The following FGF12 variants were observed in gnomAD, a reference collection of about 807,000 sequenced individuals.
FGF12 encodes the protein fibroblast growth factor 12.
Under a neutral mutation model 23.6 loss-of-function variants are expected in FGF12, and 14 were observed. The observed-to-expected ratio is 0.59, with a 90% CI of 0.39 to 0.93. FGF12 has a LOEUF of 0.93. Ranked by LOEUF, FGF12 falls within the 40% of genes least tolerant of loss-of-function variation. FGF12 has a pLI of 0.00. For synonymous variants in FGF12, 62 were observed against 77.3 expected (o/e 0.80, Z 1.04); for missense variants, 175 against 217.8 (o/e 0.80, Z 1.24).
At chr3:192,675,022 T>C (rs1487816056) in intron 2 of FGF12, among the ~76,000 whole-genome samples, 2 of 152,212 alleles carry the variant, frequency 1.3e-5, no homozygotes, top group Admixed American at 1.3e-4. Flanking sequence ...TTTAATCCTA[T>C]AAATAGACTG....
intron 4 of FGF12, among the ~76,000 whole-genome samples, chr3:192,240,290 T>C (rs1307736764): frequency 6.6e-6 from 1 of 152,170 alleles, no homozygotes; most frequent in Admixed American, 6.5e-5. Context: ...TGACAATAAT[T>C]GCCATTCAAG....
At chr3:192,509,022 A>G (rs141456607) in intron 2 of FGF12, among the ~76,000 whole-genome samples, 116 of 151,000 alleles carry the variant, frequency 7.7e-4, no homozygotes, top group East Asian at 5.0e-3. Context: ...CTGAGTCTCT[A>G]TTGCCTGAAA....
At chr3:192,309,820 T>C (rs1715843703) in intron 4 of FGF12, among the ~76,000 whole-genome samples, 1 of 152,204 alleles carries the variant, frequency 6.6e-6, no homozygotes, top group African/African-American at 2.4e-5. Flanking sequence ...TGCTGGCTTC[T>C]AGAGGGAACC....
chr3:192,266,882 A>C (rs1713111389), intron 4 of FGF12: 1 of 152,000 alleles, frequency 6.6e-6, no homozygotes, highest in African/African-American at 2.4e-5. Flanking sequence ...AGGAAAAGAA[A>C]CTCAGGGAAA....
intron 2 of FGF12, among the ~76,000 whole-genome samples, chr3:192,660,139 A>G (rs1321315656): frequency 6.6e-6 from 1 of 151,928 alleles, no homozygotes; most frequent in African/African-American, 2.4e-5. Flanking sequence ...GACTGGATTA[A>G]GAAAATGTGG....
At chr3:192,313,534 A>C (rs563445282) in intron 4 of FGF12, among the ~76,000 whole-genome samples, 10 of 152,358 alleles carry the variant, frequency 6.6e-5, no homozygotes, top group African/African-American at 2.4e-4. Context: ...GGTAATATCT[A>C]GCAATCTGCA....
Position 192,470,373 on chromosome 3 carries a change from T to TTTG in FGF12, c.14-109838_14-109836dup, listed in dbSNP as rs559328017. ...AAATATCTTGTTTTAGTAATGGAAC[T>TTTG]TTGTTGTTGTTGTTGTTGTTGTTGT... On this transcript the variant is annotated intron_variant, in intron 2 of 5. Transcript: ENST00000445105. Among the ~76,000 whole-genome samples the TTTG allele has an allele frequency of 9.0e-3, 1,360 of 151,940 alleles. 23 individuals carry two copies. Among genetic ancestry groups the TTTG allele is most frequent in the South Asian group, 0.076 (364 of 4,798 alleles).
chr3:192,454,934 G>GT (rs113784985), intron 2 of FGF12, among the ~76,000 whole-genome samples: 11,438 of 152,028 alleles, frequency 0.075, 1,374 homozygotes, highest in African/African-American at 0.25. Context: ...GGACATCTCA[G>GT]TTTTTACAAT....
At chr3:192,461,037 C>A (rs1037442824) in intron 2 of FGF12, among the ~76,000 whole-genome samples, 1 of 152,098 alleles carries the variant, frequency 6.6e-6, no homozygotes, top group African/African-American at 2.4e-5. Flanking sequence ...ATCTATAATC[C>A]ATGATCTGTT....
chr3:192,709,754 A>T (rs13059914), intron 2 of FGF12, among the ~76,000 whole-genome samples: 54,188 of 152,020 alleles, frequency 0.36, 10,679 homozygotes, highest in South Asian at 0.57. Flanking sequence ...CACATTTCCA[A>T]TCATGAGTTT....
chr3:192,707,744 CAAAAA>C (rs780175053), intron 2 of FGF12, among the ~76,000 whole-genome samples: 1 of 84,842 alleles, frequency 1.2e-5, no homozygotes, highest in Admixed American at 1.4e-4. Context: ...GACTCCTTCT[CAAAAA>C]AAAAAAAAAA....
rs1488634972 is a variant in FGF12 at position 192,512,917 on chromosome 3, T to C, written c.14-152379A>G. 2.1e-5 allele frequency among the ~76,000 whole-genome samples: 3 copies of C among 144,558 alleles called. No homozygotes were observed. The East Asian group carries it at 6.0e-4, about 29-fold the overall frequency. The allele number at this position is 144,558 out of a possible 152,430, so 94.8% of individuals were successfully genotyped here. On this transcript the variant is annotated intron_variant, in intron 2 of 5. Transcript: ENST00000445105. ...AGATAAAAATAATGAGTTTCAAAGA[T>C]GGGTAGTGACTTATTGAGAATGTGT...
chr3:192,419,117 T>C (rs1019399620), intron 2 of FGF12, among the ~76,000 whole-genome samples: 18 of 152,196 alleles, frequency 1.2e-4, no homozygotes, highest in African/African-American at 4.3e-4. Flanking sequence ...AATTCAAATC[T>C]AGTTTAGCTC....
intron 2 of FGF12, among the ~76,000 whole-genome samples, chr3:192,444,778 A>T (rs1167277956): frequency 6.6e-6 from 1 of 152,118 alleles, no homozygotes; most frequent in East Asian, 1.9e-4. Context: ...CGTTTAAGAG[A>T]ATTGTATTTT....
chr3:192,637,604 C>T (rs75429477), intron 2 of FGF12, among the ~76,000 whole-genome samples: 14,728 of 152,148 alleles, frequency 0.097, 905 homozygotes, highest in Non-Finnish European at 0.14. Flanking sequence ...GAAGTCTTGT[C>T]AAAGTTTGTG....
At chr3:192,220,229 C>T (rs1718398748) in intron 4 of FGF12, among the ~76,000 whole-genome samples, 1 of 152,112 alleles carries the variant, frequency 6.6e-6, no homozygotes, top group East Asian at 1.9e-4. Flanking sequence ...CAGTGACTTG[C>T]CATTGAATAT....
At chr3:192,599,269 A>AATAATAATAATAATAATT (rs3043818) in intron 2 of FGF12, among the ~76,000 whole-genome samples, 4,010 of 148,064 alleles carry the variant, frequency 0.027, 68 homozygotes, top group African/African-American at 0.032. Flanking sequence ...TAATAATAAT[A>AATAATAATAATAATAATT]ATAATAATAA....
chr3:192,466,091 G>GC (rs1211609141), intron 2 of FGF12, among the ~76,000 whole-genome samples: 1 of 152,178 alleles, frequency 6.6e-6, no homozygotes, highest in Non-Finnish European at 1.5e-5. Flanking sequence ...AGGCTATGTG[G>GC]CATAGCCTAC....
At chr3:192,330,011 T>C (rs1433165101) in intron 4 of FGF12, among the ~76,000 whole-genome samples, 1 of 152,202 alleles carries the variant, frequency 6.6e-6, no homozygotes, top group Non-Finnish European at 1.5e-5. Flanking sequence ...ATTTTGGTCT[T>C]CCTTTCTAAA....
Sources: allele counts gnomAD v4.1 joint callset (sites outside exome capture counted in the v4.1 genomes callset), GRCh38; gene constraint gnomAD v4.1.1; transcripts MANE v1.5; gene names NCBI Gene and HGNC (gene_info 2026-07-23, HGNC 2026-07-21).